Variants in GPC6 observed in about 807,000 individuals in gnomAD.
GPC6 encodes glypican 6, also known as glypican-6.
Under a neutral mutation model 55.2 loss-of-function variants are expected in GPC6, and 14 were observed. The observed-to-expected ratio is 0.25, with a 90% CI of 0.17 to 0.40. GPC6 has a LOEUF of 0.40. GPC6 is among the 10% of genes least tolerant of loss of function. GPC6 has a pLI of 1.00. For missense variants in GPC6, 641 were observed against 708.5 expected (o/e 0.90, Z 1.08); for synonymous variants, 278 against 259.6 (o/e 1.07, Z -0.68).
intron 1 of GPC6, among the ~76,000 whole-genome samples, chr13:93,423,504 G>A (rs1278387070): frequency 6.6e-6 from 1 of 152,050 alleles, no homozygotes; most frequent in Non-Finnish European, 1.5e-5. Context: ...AAATGTTTTT[G>A]TTATTCCACA....
intron 4 of GPC6, among the ~76,000 whole-genome samples, chr13:94,220,282 A>T (rs1594070687): frequency 6.6e-6 from 1 of 152,094 alleles, no homozygotes; most frequent in Non-Finnish European, 1.5e-5. Context: ...TCTTCATTCC[A>T]AACTACATGA....
intron 7 of GPC6, among the ~76,000 whole-genome samples, chr13:94,394,605 G>A (rs1282623025): frequency 6.6e-6 from 1 of 152,198 alleles, no homozygotes; most frequent in East Asian, 1.9e-4. Flanking sequence ...CTCATGCTGA[G>A]TGGGGCTTTC....
At chr13:93,510,985 G>GTGTATATATATA (rs1566396671) in intron 1 of GPC6, among the ~76,000 whole-genome samples, 13 of 36,810 alleles carry the variant, frequency 3.5e-4, no homozygotes, top group Non-Finnish European at 5.1e-4. Context: ...ATATATATAT[G>GTGTATATATATA]TGTATATATA....
rs186376024 is a variant in GPC6 at position 94,126,116 on chromosome 13, G to A, written c.877+98222G>A. Among the ~76,000 whole-genome samples the A allele has an allele frequency of 6.6e-5, 10 of 152,238 alleles. No individual in the cohort carries two copies. The South Asian group carries it at 1.0e-3, about 16-fold the overall frequency. On this transcript the variant is annotated intron_variant, in intron 4 of 8. Coordinates refer to ENST00000377047, the MANE Select transcript of GPC6 (RefSeq NM_005708.5). ...TACCAACTGGGCACCAGTGGCTCAT[G>A]CCTGTAATCCCAACACTTTGGGAGA...
chr13:93,423,142 G>A (rs1223443135), intron 1 of GPC6, among the ~76,000 whole-genome samples: 4 of 152,096 alleles, frequency 2.6e-5, no homozygotes, highest in East Asian at 3.9e-4. Context: ...AGTAATATCT[G>A]CCTCATATGA....
At chr13:94,012,605 C>T (rs916830157) in intron 3 of GPC6, among the ~76,000 whole-genome samples, 19 of 152,136 alleles carry the variant, frequency 1.2e-4, no homozygotes, top group South Asian at 2.1e-4. Context: ...GTGTTGTGTC[C>T]GTGCATGTTC....
chr13:93,966,557 C>T (rs1269874777), intron 3 of GPC6, among the ~76,000 whole-genome samples: 1 of 151,998 alleles, frequency 6.6e-6, no homozygotes, highest in East Asian at 1.9e-4. Context: ...GCCCAAGTCA[C>T]CAACTTGGAC....
In GPC6 at chr13:94,059,179, C is replaced by T. The variant is rs144669165; in HGVS notation, c.877+31285C>T. Among the ~76,000 whole-genome samples, 383 of 151,602 alleles carry T rather than the reference C, an allele frequency of 2.5e-3. 1 individual carries two copies. The highest frequency in any genetic ancestry group is 8.9e-3 in the African/African-American group (368 of 41,336). On this transcript the variant is annotated intron_variant, in intron 4 of 8. Transcript: ENST00000377047. The stretch of plus-strand genomic sequence containing the variant: ...ACATGTTGTTCATGTTGTTCACTTA[C>T]TCACACAAATACACTTGCATCCAGG...
At chr13:93,613,424 C>T (rs1051623084) in intron 2 of GPC6, among the ~76,000 whole-genome samples, 8 of 152,058 alleles carry the variant, frequency 5.3e-5, no homozygotes, top group African/African-American at 1.9e-4. Context: ...AAATATTTCT[C>T]TCACACAGTG....
At chr13:93,704,235 C>A (rs953889420) in intron 2 of GPC6, among the ~76,000 whole-genome samples, 4 of 151,704 alleles carry the variant, frequency 2.6e-5, no homozygotes, top group African/African-American at 4.8e-5. Context: ...CTGATGTGGG[C>A]ATATATTTGT....
intron 2 of GPC6, among the ~76,000 whole-genome samples, chr13:93,790,699 A>C (rs979364964): frequency 1.3e-5 from 2 of 152,204 alleles, no homozygotes; most frequent in Admixed American, 1.3e-4. Flanking sequence ...AAGACAAGTA[A>C]GACACAGTCC....
intron 1 of GPC6, among the ~76,000 whole-genome samples, chr13:93,503,202 G>A (rs1880585753): frequency 6.6e-6 from 1 of 152,098 alleles, no homozygotes; most frequent in African/African-American, 2.4e-5. Flanking sequence ...GGAAAGTTGA[G>A]TCTCAGGGAA....
chr13:94,258,707 A>G (rs569969122), intron 4 of GPC6, among the ~76,000 whole-genome samples: 7 of 152,228 alleles, frequency 4.6e-5, no homozygotes, highest in Non-Finnish European at 1.0e-4. Flanking sequence ...AACTATGTCC[A>G]TTCACAGACA....
intron 4 of GPC6, among the ~76,000 whole-genome samples, chr13:94,064,527 T>C (rs973201369): frequency 1.3e-5 from 2 of 152,130 alleles, no homozygotes; most frequent in Non-Finnish European, 2.9e-5. Flanking sequence ...AATATGTGTC[T>C]TAACAGGGAA....
At chr13:94,123,876 G>A (rs548001389) in intron 4 of GPC6, among the ~76,000 whole-genome samples, 1 of 152,140 alleles carries the variant, frequency 6.6e-6, no homozygotes, top group South Asian at 2.1e-4. Context: ...TGTGAAGTAA[G>A]ACAAATATTA....
intron 4 of GPC6, among the ~76,000 whole-genome samples, chr13:94,282,025 A>G (rs1035860207): frequency 1.4e-4 from 22 of 152,224 alleles, no homozygotes; most frequent in Non-Finnish European, 2.6e-4. Context: ...CAAAAAGGGG[A>G]AATTATCTGA....
Position 93,912,568 on chromosome 13 carries a change from C to T in GPC6, c.711+82023C>T, listed in dbSNP as rs1003630379. Among the ~76,000 whole-genome samples, 5 of 152,096 alleles carry T rather than the reference C, an allele frequency of 3.3e-5. No homozygotes were observed. In the East Asian group the frequency reaches 7.8e-4, roughly 24 times the overall value. On this transcript the variant is annotated intron_variant, in intron 3 of 8. Coordinates refer to ENST00000377047, the MANE Select transcript of GPC6 (RefSeq NM_005708.5). The stretch of plus-strand genomic sequence containing the variant: ...ACCATCCTGGCTAACACGGTGAAAC[C>T]CCATCTCTACTAAAAATACAAAAAA...
intron 2 of GPC6, among the ~76,000 whole-genome samples, chr13:93,722,029 T>C (rs1482455570): frequency 1.3e-5 from 2 of 151,850 alleles, no homozygotes; most frequent in African/African-American, 4.8e-5. Context: ...CTTGGAATTT[T>C]TGACAATATA....
intron 2 of GPC6, among the ~76,000 whole-genome samples, chr13:93,742,587 C>T (rs527396099): frequency 6.6e-6 from 1 of 152,228 alleles, no homozygotes; most frequent in Non-Finnish European, 1.5e-5. Context: ...ACAGTTGTCT[C>T]CGGATGGGTT....
Sources: allele counts gnomAD v4.1 joint callset (sites outside exome capture counted in the v4.1 genomes callset), GRCh38; gene constraint gnomAD v4.1.1; transcripts MANE v1.5; gene names NCBI Gene and HGNC (gene_info 2026-07-23, HGNC 2026-07-21).